IRGM: variants seen among roughly 807,000 people sequenced by gnomAD.
IRGM encodes immunity-related GTPase family M protein.
For missense variants in IRGM, 288 were observed against 219.9 expected, an observed-to-expected ratio of 1.31 and a Z score of -1.96; for synonymous variants, 98 against 80.6, an observed-to-expected ratio of 1.22 and a Z score of -1.16.
At chr5:150,896,621 GCT>G in intron 3 of IRGM, 1 of 1,613,412 alleles carries the variant, frequency 6.2e-7, no homozygotes, top group East Asian at 2.2e-5. Flanking sequence ...TTCTTGAATT[GCT>G]CTTATAACAA....
At chr5:150,859,640 C>G in intron 1 of IRGM, among the ~76,000 whole-genome samples, 1 of 152,020 alleles carries the variant, frequency 6.6e-6, no homozygotes, top group East Asian at 1.9e-4. Context: ...TCAACTTCTT[C>G]CTGGTTTAGT....
chr5:150,862,028 G>T (rs1035773152), intron 1 of IRGM, among the ~76,000 whole-genome samples: 2 of 152,198 alleles, frequency 1.3e-5, no homozygotes, highest in African/African-American at 4.8e-5. Flanking sequence ...TCTCTCATGG[G>T]CTATGATGAA....
chr5:150,887,856 C>G (rs903647389), intron 3 of IRGM, among the ~76,000 whole-genome samples: 9 of 151,848 alleles, frequency 5.9e-5, no homozygotes, highest in African/African-American at 1.9e-4. Context: ...AATACCAAAG[C>G]ACTCTTAAAT....
rs1385237648 is a variant in IRGM, at chr5:150,896,410, C to T, written c.*141-4179C>T. On this transcript the variant is annotated intron_variant and NMD_transcript_variant, in intron 3 of 3. Coordinates refer to the IRGM transcript ENST00000520549. ...ATGAGTTGTGACTTCTTAGCAAAGG[C>T]TTTTCCACATGTAACACATACACAG... The T allele has an allele frequency of 1.2e-6, 2 of 1,613,538 alleles. No homozygotes were observed. Among genetic ancestry groups the T allele is most frequent in the Admixed American group, 3.3e-5 (2 of 59,912 alleles).
At chr5:150,864,297 A>G (rs949733774) in intron 1 of IRGM, among the ~76,000 whole-genome samples, 4 of 152,156 alleles carry the variant, frequency 2.6e-5, no homozygotes, top group South Asian at 2.1e-4. Flanking sequence ...TGCTATTACT[A>G]TATTTCTCAT....
downstream of IRGM, among the ~76,000 whole-genome samples, chr5:150,850,963 A>G (rs1196891875): frequency 6.6e-6 from 1 of 152,188 alleles, no homozygotes; most frequent in African/African-American, 2.4e-5. Context: ...AGCATTTTCA[A>G]ATTTGAAAAA....
chr5:150,848,561 C>CAAGCT lies in IRGM; in HGVS notation c.440_444dup (p.Asp149SerfsTer2), dbSNP rs1258958751. 38 of 1,551,520 alleles carry CAAGCT rather than the reference C, an allele frequency of 2.4e-5. No individual in the cohort carries two copies. The East Asian group carries it at 8.3e-4, about 34-fold the overall frequency. On this transcript the variant is annotated frameshift_variant, in exon 2 of 2. Coordinates refer to ENST00000522154, the MANE Select transcript of IRGM (RefSeq NM_001145805.2). LOFTEE classifies it low-confidence loss of function (END_TRUNC). ...GAAAGAAGTTCTACATTGTCTGGAC[C>CAAGCT]AAGCTAGACATGGACCTCAGCACAG...
chr5:150,870,212 A>G (rs1162289621), intron 1 of IRGM, among the ~76,000 whole-genome samples: 4 of 152,124 alleles, frequency 2.6e-5, no homozygotes, highest in Non-Finnish European at 5.9e-5. Flanking sequence ...CAAAATAGGA[A>G]CCATTACAGA....
At chr5:150,877,981 G>T in exon 2 of IRGM, 1 of 456,818 alleles carries the variant, frequency 2.2e-6, no homozygotes, top group Non-Finnish European at 4.4e-6. Context: ...TTTCCTCAGA[G>T]CTCTAGAAAC....
At chr5:150,898,616 G>A (rs970738860) in intron 3 of IRGM, 1 of 1,497,938 alleles carries the variant, frequency 6.7e-7, no homozygotes, top group African/African-American at 1.4e-5. Flanking sequence ...GCTATAATGT[G>A]CACAACTACA....
chr5:150,901,426 A>G (rs986174641), downstream of IRGM, among the ~76,000 whole-genome samples: 3 of 152,118 alleles, frequency 2.0e-5, no homozygotes, highest in East Asian at 5.8e-4. Context: ...ACATATCTCA[A>G]TTCAGACTAG....
At chr5:150,883,509 C>T (rs2113291020) in intron 3 of IRGM, among the ~76,000 whole-genome samples, 1 of 151,428 alleles carries the variant, frequency 6.6e-6, no homozygotes, top group East Asian at 1.9e-4. Flanking sequence ...CTTAGCTAGA[C>T]TAAGAAAAAA....
chr5:150,881,877 A>C (rs1236494650), intron 3 of IRGM, among the ~76,000 whole-genome samples: 1 of 152,118 alleles, frequency 6.6e-6, no homozygotes, highest in Non-Finnish European at 1.5e-5. Flanking sequence ...TATTACTAAC[A>C]CAAAAGATAA....
intron 3 of IRGM, among the ~76,000 whole-genome samples, chr5:150,885,129 A>T (rs1754498871): frequency 6.6e-6 from 1 of 152,098 alleles, no homozygotes. Context: ...AATCTTCTTT[A>T]TATGGATAGC....
intron 3 of IRGM, chr5:150,894,673 T>C (rs757141999): frequency 3.9e-5 from 6 of 152,044 alleles, no homozygotes; most frequent in Non-Finnish European, 8.8e-5. Context: ...TGCATTGTAT[T>C]TGTACTTACT....
At chr5:150,892,534 CCTTTCCA>C (rs1561752687) in intron 3 of IRGM, among the ~76,000 whole-genome samples, 1 of 152,036 alleles carries the variant, frequency 6.6e-6, no homozygotes, top group Non-Finnish European at 1.5e-5. Flanking sequence ...TTTATCTCTT[CCTTTCCA>C]GGTTGCAAGC....
chr5:150,851,594 T>A (rs1165384258), downstream of IRGM, among the ~76,000 whole-genome samples: 1 of 152,230 alleles, frequency 6.6e-6, no homozygotes, highest in Admixed American at 6.5e-5. Flanking sequence ...GAGATTTGAA[T>A]ATAAAGGGCC....
intron 1 of IRGM, among the ~76,000 whole-genome samples, chr5:150,876,205 G>A (rs950339320): frequency 6.6e-6 from 1 of 152,210 alleles, no homozygotes; most frequent in Non-Finnish European, 1.5e-5. Context: ...AAGTTATCCA[G>A]AGGGCTGTGT....
At chr5:150,873,417 C>T (rs369120245) in intron 1 of IRGM, among the ~76,000 whole-genome samples, 1 of 152,182 alleles carries the variant, frequency 6.6e-6, no homozygotes, top group African/African-American at 2.4e-5. Context: ...ACAATTTATG[C>T]TGTTAATCTT....
Sources: allele counts gnomAD v4.1 joint callset (sites outside exome capture counted in the v4.1 genomes callset), GRCh38; gene constraint gnomAD v4.1.1; transcripts MANE v1.5; gene names NCBI Gene and HGNC (gene_info 2026-07-23, HGNC 2026-07-21).